The following OR2L13 variants were observed in gnomAD, a reference collection of about 807,000 sequenced individuals.
The protein encoded by OR2L13 is olfactory receptor 2L13.
Under a neutral mutation model 15.3 loss-of-function variants are expected in OR2L13, and 14 were observed. That is an observed-to-expected ratio of 0.91 (90% CI 0.60 to 1.43). OR2L13 has a LOEUF of 1.43. Ranked by LOEUF, OR2L13 falls within the 40% of genes most tolerant of loss-of-function variation. The pLI, the probability that OR2L13 is intolerant of heterozygous loss-of-function variation, is 0.00. For synonymous variants in OR2L13, 152 were observed against 142.9 expected (o/e 1.06, Z -0.45); for missense variants, 367 against 387.9 (o/e 0.95, Z 0.45).
chr1:248,090,164 T>A, the OR2L13 span, among the ~76,000 whole-genome samples: 1 of 152,154 alleles, frequency 6.6e-6, no homozygotes, highest in African/African-American at 2.4e-5. Context: ...ATGTCAGCAT[T>A]TGACTTTGCT....
chr1:248,100,246 C>G, exon 3 of OR2L13: 1 of 1,613,508 alleles, frequency 6.2e-7, no homozygotes, highest in Non-Finnish European at 8.5e-7. Flanking sequence ...TATCTACAGC[C>G]TGAGGAATAA....
the OR2L13 span, chr1:248,083,706 T>C: frequency 1.1e-4 from 184 of 1,612,020 alleles, 2 homozygotes; most frequent in African/African-American, 1.4e-3. Context: ...TTTCAGGGCT[T>C]CCTTGACCTC....
the OR2L13 span, chr1:247,990,716 T>C: frequency 2.6e-6 from 4 of 1,554,864 alleles, no homozygotes; most frequent in South Asian, 1.1e-5. Flanking sequence ...TCTTGGATGA[T>C]AGGCTCCATC....
the OR2L13 span, among the ~76,000 whole-genome samples, chr1:248,064,241 C>T: frequency 1.3e-5 from 2 of 152,110 alleles, no homozygotes; most frequent in African/African-American, 4.8e-5. Context: ...GAGGATAGCA[C>T]CCTCTTGAAT....
At chr1:247,965,503 A>G in the OR2L13 span, 1 of 1,613,664 alleles carries the variant, frequency 6.2e-7, no homozygotes, top group Non-Finnish European at 8.5e-7. Context: ...GACAGGAAAT[A>G]TCATGCTGAT....
At chr1:248,070,917 C>A in the OR2L13 span, among the ~76,000 whole-genome samples, 1 of 152,202 alleles carries the variant, frequency 6.6e-6, no homozygotes, top group Non-Finnish European at 1.5e-5. Flanking sequence ...CCTCCCAAGA[C>A]TAAACCAGGG....
chr1:248,099,603 C>T (rs139493421), exon 3 of OR2L13: 131 of 1,613,944 alleles, frequency 8.1e-5, no homozygotes, highest in Admixed American at 1.5e-4. Context: ...TCTCCACCAC[C>T]GTCCCCAAGA....
At chr1:247,986,237 G>T in the OR2L13 span, among the ~76,000 whole-genome samples, 1 of 152,112 alleles carries the variant, frequency 6.6e-6, no homozygotes, top group Non-Finnish European at 1.5e-5. Context: ...GAGTTTTTAT[G>T]GTTTTAAGTC....
the OR2L13 span, among the ~76,000 whole-genome samples, chr1:248,078,538 A>G: frequency 6.6e-6 from 1 of 152,022 alleles, no homozygotes; most frequent in South Asian, 2.1e-4. Flanking sequence ...AAGGGGCAGT[A>G]TTTTATGCAG....
the OR2L13 span, among the ~76,000 whole-genome samples, chr1:248,032,658 T>C: frequency 2.6e-5 from 4 of 152,218 alleles, no homozygotes; most frequent in Admixed American, 6.5e-5. Flanking sequence ...TCAAGTTTCA[T>C]CTATGTTGTA....
chr1:248,061,854 T>C, the OR2L13 span: 4 of 364,130 alleles, frequency 1.1e-5, no homozygotes, highest in Admixed American at 4.1e-5. Context: ...CTACTTTTAC[T>C]AATATGTTGT....
chr1:248,023,740 AT>A, the OR2L13 span: 1 of 152,178 alleles, frequency 6.6e-6, no homozygotes, highest in African/African-American at 2.4e-5. Flanking sequence ...GCTTAGGTCC[AT>A]TCTCTGAGTG....
the OR2L13 span, chr1:247,948,823 G>A: frequency 6.5e-7 from 1 of 1,533,944 alleles, no homozygotes; most frequent in South Asian, 1.2e-5. Context: ...AATTACTCTT[G>A]TGTCTCCCTT....
the OR2L13 span, among the ~76,000 whole-genome samples, chr1:248,006,961 A>G: frequency 2.6e-5 from 4 of 152,196 alleles, no homozygotes; most frequent in Non-Finnish European, 4.4e-5. Context: ...TTGTCATAGC[A>G]GCTTGAATAC....
the OR2L13 span, among the ~76,000 whole-genome samples, chr1:248,011,633 A>G: frequency 6.6e-6 from 1 of 152,110 alleles, no homozygotes; most frequent in Non-Finnish European, 1.5e-5. Context: ...TATTTCTTGG[A>G]GGCTATGATC....
At chr1:247,954,989 G>A in the OR2L13 span, among the ~76,000 whole-genome samples, 2 of 151,686 alleles carry the variant, frequency 1.3e-5, no homozygotes, top group African/African-American at 2.4e-5. Flanking sequence ...GGGTACATGT[G>A]CATAACGTGC....
chr1:247,947,522 A>G, the OR2L13 span, among the ~76,000 whole-genome samples: 4 of 152,364 alleles, frequency 2.6e-5, no homozygotes, highest in African/African-American at 7.2e-5. Flanking sequence ...GAAGTCTGTC[A>G]GAATTTTAGT....
At chr1:248,039,122 C>T in the OR2L13 span, 3 of 1,614,012 alleles carry the variant, frequency 1.9e-6, no homozygotes, top group Admixed American at 5.0e-5. Flanking sequence ...CAATGCTCAA[C>T]CCCATCATCT....
At chr1:247,970,691 A>C in the OR2L13 span, among the ~76,000 whole-genome samples, 9 of 152,298 alleles carry the variant, frequency 5.9e-5, no homozygotes, top group African/African-American at 1.9e-4. Flanking sequence ...GAAACACATA[A>C]ATTTCTAGGT....
Sources: gnomAD v4.1 joint callset for allele counts (sites outside exome capture counted in the v4.1 genomes callset) on GRCh38, gnomAD v4.1.1 for gene constraint, MANE v1.5 for transcripts, NCBI Gene and HGNC (gene_info 2026-07-23, HGNC 2026-07-21) for gene names.